The following TPR variants were observed in gnomAD, a reference collection of about 807,000 sequenced individuals.
TPR encodes translocated promoter region, nuclear basket protein.
A neutral mutation model predicts 316.1 loss-of-function variants in TPR; 51 were observed. The ratio of observed to expected loss-of-function variants is 0.16; its 90% confidence interval spans 0.13 to 0.20. The LOEUF (loss-of-function observed/expected upper bound fraction) is 0.20. Ranked by LOEUF, TPR falls within the 10% of genes least tolerant of loss-of-function variation. TPR has a pLI of 1.00. For synonymous variants in TPR, 981 were observed against 914.7 expected (o/e 1.07, Z -1.31); for missense variants, 2,272 against 2,754.8 (o/e 0.82, Z 3.92).
chr1:186,346,001 A>C (rs1215701785), intron 23 of TPR, 134 bp downstream of exon 23: 9 of 973,500 alleles, frequency 9.2e-6, no homozygotes, highest in Non-Finnish European at 1.3e-5. Context: ...AAAGAGTAAA[A>C]CATAAAACTA....
chr1:186,318,775 C>T lies in TPR; in HGVS notation c.6622G>A (p.Gly2208Ser). 4.3e-6 allele frequency: 7 copies of T among 1,614,144 alleles called. No homozygotes were observed. The highest frequency in any genetic ancestry group is 5.9e-6 in the Non-Finnish European group (7 of 1,180,018). ...AGTGGAGTAGTGGGAACACTTCGGC[C>T]ACCTGACTCTTCTTCATGAGCTAGG... ...LFLAHEEESG[G>S]RSVPTTPLQV... is the part of the protein sequence containing the mutation. Residue 2208 changes from glycine to serine, a missense_variant, in exon 47 of 51, where the codon GGC (glycine) becomes AGC (serine). Transcript: ENST00000367478.
intron 42 of TPR, among the ~76,000 whole-genome samples, chr1:186,324,940 A>T (rs1036513512): frequency 6.6e-6 from 1 of 152,146 alleles, no homozygotes; most frequent in Non-Finnish European, 1.5e-5. Context: ...ATTTTTGTTC[A>T]AAGTATATCA....
chr1:186,346,155 T>C lies in TPR; in HGVS notation c.3076A>G (p.Ile1026Val), dbSNP rs1427330255. 1.2e-6 allele frequency: 2 copies of C among 1,612,762 alleles called. No homozygotes were observed. The highest frequency in any genetic ancestry group is 1.7e-6 in the Non-Finnish European group (2 of 1,179,416). Residue 1026 changes from isoleucine (I) to valine (V), a missense_variant, in exon 23 of 51, where the codon ATA becomes GTA. By Grantham distance (29) the Ile-to-Val change is conservative. Coordinates refer to ENST00000367478, the MANE Select transcript of TPR (RefSeq NM_003292.3). ...TTTACCTGTTGTTCCATGCTCTCTA[T>C]GGCTCTTCTTTTATCATCCTGAAGT... The part of the protein sequence containing the change: ...QELQDDKRRA[I>V]ESMEQQLSEL...
chr1:186,325,745 A>T lies in TPR; in HGVS notation c.6112+19T>A, dbSNP rs1480049649. On this transcript the variant is annotated intron_variant, in intron 42 of 50. Coordinates refer to ENST00000367478, the MANE Select transcript of TPR (RefSeq NM_003292.3). ...ATACCAGAGATATTCAATTCAAAAA[A>T]GGCTAATAAAAATCTCACCACTGTT... 1 of 1,597,824 alleles carries T rather than the reference A, an allele frequency of 6.3e-7. No individual in the cohort carries two copies. The highest frequency in any genetic ancestry group is 8.6e-7 in the Non-Finnish European group (1 of 1,167,676).
At chr1:186,339,862 TA>T in intron 29 of TPR, 90 bp from the exon 30 acceptor site, 1 of 1,093,104 alleles carries the variant, frequency 9.1e-7, no homozygotes, top group Non-Finnish European at 1.3e-6. Flanking sequence ...ATTATGTTTA[TA>T]TTAGGTGTCC....
At chr1:186,331,892 T>C (rs182995109) in intron 38 of TPR, among the ~76,000 whole-genome samples, 4 of 152,166 alleles carry the variant, frequency 2.6e-5, no homozygotes, top group Admixed American at 6.6e-5. Flanking sequence ...TAGAAAAAGA[T>C]AGCAGGTAAC....
chr1:186,320,801 A>T (rs958923569), intron 45 of TPR, among the ~76,000 whole-genome samples: 1 of 152,174 alleles, frequency 6.6e-6, no homozygotes, highest in Admixed American at 6.5e-5. Context: ...CTTAGTTTTC[A>T]TTTGGTCATA....
intron 49 of TPR, among the ~76,000 whole-genome samples, chr1:186,315,230 A>G (rs577382342): frequency 6.9e-6 from 1 of 145,386 alleles, no homozygotes; most frequent in Non-Finnish European, 1.5e-5. Flanking sequence ...ACAAACAAAC[A>G]AAAAAAAAAC....
chr1:186,361,739 C>T, intron 8 of TPR, 30 bp from the exon 9 acceptor site: 1 of 1,612,996 alleles, frequency 6.2e-7, no homozygotes, highest in South Asian at 1.1e-5. Flanking sequence ...AGTTACCTAA[C>T]AGTCAACAAT....
intron 3 of TPR, among the ~76,000 whole-genome samples, chr1:186,369,002 G>C (rs3115753): frequency 0.044 from 6,713 of 152,230 alleles, 165 homozygotes; most frequent in Non-Finnish European, 0.048. Flanking sequence ...CCATTAATGA[G>C]GAGACGATCA....
intron 11 of TPR, 83 bp downstream of exon 11, chr1:186,360,190 G>C: frequency 6.7e-7 from 1 of 1,482,110 alleles, no homozygotes; most frequent in Non-Finnish European, 9.2e-7. Flanking sequence ...TTAAAAATAA[G>C]TTTTGGGAGA....
chr1:186,349,416 G>T (rs188785466), intron 21 of TPR, among the ~76,000 whole-genome samples: 95 of 152,178 alleles, frequency 6.2e-4, no homozygotes, highest in Non-Finnish European at 1.1e-3. Flanking sequence ...CACTTTGGGA[G>T]GCCGCGGCGG....
At position 186,358,630 on chromosome 1, in the gene TPR, C is replaced by A. The variant is rs1180951619; in HGVS notation, c.1410G>T (p.Glu470Asp). 2 of 1,611,666 alleles carry A rather than the reference C, an allele frequency of 1.2e-6. No homozygotes were observed. Among genetic ancestry groups the A allele is most frequent in the Non-Finnish European group, 1.7e-6 (2 of 1,179,090 alleles). The change falls in exon 13 of 51, where the codon GAG becomes GAT. Residue 470 changes from glutamate (E) to aspartate (D), a missense_variant. Physicochemically the swap from Glu to Asp is conservative, Grantham distance 45. Coordinates refer to ENST00000367478, the MANE Select transcript of TPR (RefSeq NM_003292.3). ...QAMKEIQRLQ[E>D]DTDKANKQSS... ...ATTGCTTGTTGGCTTTATCAGTGTC[C>A]TCCTGCAATCGCTGAATCTCCTTTA... is the stretch of plus-strand genomic sequence containing the variant.
chr1:186,338,202 C>T lies in TPR; in HGVS notation c.4193G>A (p.Ser1398Asn). The change falls in exon 31 of 51, where the codon AGT (serine) becomes AAT (asparagine). Residue 1398 changes from serine (S) to asparagine (N), a missense_variant. Physicochemically the swap from Ser to Asn is conservative, Grantham distance 46. Coordinates refer to ENST00000367478, the MANE Select transcript of TPR (RefSeq NM_003292.3). Reference protein sequence around the residue: ...SLTNNQNLIQSLKEDLNKVRT... With the variant: ...SLTNNQNLIQNLKEDLNKVRT... The stretch of plus-strand genomic sequence containing the variant: ...TACTTTATTTAGATCTTCCTTCAGA[C>T]TCTGAATTAAGTTCTGGTTGTTAGT... The T allele has an allele frequency of 1.2e-6, 2 of 1,612,480 alleles. No homozygotes were observed. Among genetic ancestry groups the T allele is most frequent in the Non-Finnish European group, 1.7e-6 (2 of 1,179,446 alleles).
At chr1:186,358,760 T>TAA in intron 12 of TPR, 110 bp from the exon 13 acceptor site, 1 of 804,030 alleles carries the variant, frequency 1.2e-6, no homozygotes, top group South Asian at 1.7e-5. Context: ...ATACACTAAA[T>TAA]AAAATCCTAC....
rs1426805293 is a variant in TPR, at chr1:186,336,669, G to C, written c.4532C>G (p.Ala1511Gly). ...CACAGTCTGTTCCTGGAGATTTCTT[G>C]CTTCTGTCTCTTTTTCAGATAATGT... ...QKTLSEKETE[A>G]RNLQEQTVQL... Residue 1511 changes from alanine to glycine, a missense_variant, in exon 33 of 51, where the codon GCA becomes GGA. Physicochemically the swap from Ala to Gly is moderately conservative, Grantham distance 60. This residue lies in a region of TPR where 101 missense variants were observed against 113.0 expected (regional missense o/e 0.89). Coordinates refer to ENST00000367478, the MANE Select transcript of TPR (RefSeq NM_003292.3). 3.1e-6 allele frequency: 5 copies of C among 1,613,440 alleles called. No individual in the cohort carries two copies. The highest frequency in any genetic ancestry group is 4.5e-5 in the East Asian group (2 of 44,860).
rs1658269362 is a variant in TPR at position 186,334,166 on chromosome 1, T to G, written c.5182+159A>C. ...ATTCTTTGTCATTACAAGTGAAAAT[T>G]TTGGTCCTAGAAGTATGTCCTTCAA... On this transcript the variant is annotated intron_variant, in intron 36 of 50. Coordinates refer to ENST00000367478, the MANE Select transcript of TPR (RefSeq NM_003292.3). 2.0e-5 allele frequency among the ~76,000 whole-genome samples: 3 copies of G among 152,150 alleles called. No homozygotes were observed. The South Asian group carries it at 6.2e-4, about 32-fold the overall frequency.
intron 40 of TPR, among the ~76,000 whole-genome samples, 154 bp downstream of exon 40, chr1:186,327,305 TA>T (rs1557994245): frequency 1.7e-4 from 12 of 71,090 alleles, no homozygotes; most frequent in East Asian, 6.3e-4. Context: ...ATATAATATA[TA>T]ATATATTAAA....
chr1:186,341,702 A>G (rs996369634), intron 27 of TPR: 38 of 223,540 alleles, frequency 1.7e-4, no homozygotes, highest in African/African-American at 6.6e-4. Context: ...TTGCTGCACT[A>G]AATTTATTAG....
Sources: gnomAD v4.1 joint callset for allele counts (sites outside exome capture counted in the v4.1 genomes callset) on GRCh38, gnomAD v4.1.1 for gene constraint, gnomAD v4.1.1 regional missense constraint, MANE v1.5 for transcripts, NCBI Gene and HGNC (gene_info 2026-07-23, HGNC 2026-07-21) for gene names.